FBN2: variants seen among roughly 807,000 people sequenced by gnomAD.
FBN2 encodes fibrillin-2.
A neutral mutation model predicts 355.6 loss-of-function variants in FBN2; 105 were observed. The observed-to-expected ratio is 0.30, with a 90% CI of 0.25 to 0.35. The LOEUF is 0.35. Ranked by LOEUF, FBN2 falls within the 10% of genes least tolerant of loss-of-function variation. The pLI is 1.00. For missense variants in FBN2, 3,280 were observed against 3,758.7 expected (o/e 0.87, Z 3.33); for synonymous variants, 1,350 against 1,301.2 (o/e 1.04, Z -0.81).
At position 128,536,502 on chromosome 5, in the gene FBN2, G is replaced by T. The variant is rs200300875; in HGVS notation, c.255-18C>A. 1,562 of 1,601,448 alleles carry T rather than the reference G, an allele frequency of 9.8e-4. 19 individuals are homozygous for T. Among genetic ancestry groups the T allele is most frequent in the Middle Eastern group, 4.9e-4 (3 of 6,068 alleles). On this transcript the variant is annotated intron_variant, in intron 1 of 64. Coordinates refer to ENST00000262464, the MANE Select transcript of FBN2 (RefSeq NM_001999.4). The stretch of plus-strand genomic sequence containing the variant: ...CGTTGGGCCTGTGATGGACAAGCGC[G>T]GTCACGTAACAGATAGGTAGAGGGA...
At chr5:128,432,866 C>T (rs968921466) in intron 7 of FBN2, among the ~76,000 whole-genome samples, 4 of 151,934 alleles carry the variant, frequency 2.6e-5, no homozygotes, top group Admixed American at 6.6e-5. Context: ...GTATGGCTAC[C>T]GAGACCTCAG....
At chr5:128,417,892 G>A (rs1444439119) in intron 7 of FBN2, among the ~76,000 whole-genome samples, 1 of 152,120 alleles carries the variant, frequency 6.6e-6, no homozygotes, top group Non-Finnish European at 1.5e-5. Flanking sequence ...AATAGTTTGA[G>A]GAGAATTGGA....
chr5:128,334,762 A>G lies in FBN2; in HGVS notation c.4056T>C (p.Cys1352=), dbSNP rs1479056828. 6.2e-7 allele frequency: 1 copy of G among 1,613,962 alleles called. No individual in the cohort carries two copies. Among genetic ancestry groups the G allele is most frequent in the East Asian group, 2.2e-5 (1 of 44,908 alleles). The change falls in exon 31 of 65, where the codon TGT becomes TGC. Residue 1352 remains cysteine (C), a synonymous_variant. Coordinates refer to ENST00000262464, the MANE Select transcript of FBN2 (RefSeq NM_001999.4). ...CCTTCTTCACTGAGTAACCCAGCTGACAGTGGCAAATGAAGGATCCCTTTG... is the reference window on the plus strand; with the variant it reads ...CCTTCTTCACTGAGTAACCCAGCTGGCAGTGGCAAATGAAGGATCCCTTTG... The part of the protein sequence containing the change: ...ENTKGSFICH[C]QLGYSVKKGT...
chr5:128,314,738 T>C (rs999706080), intron 36 of FBN2, among the ~76,000 whole-genome samples: 5 of 152,236 alleles, frequency 3.3e-5, no homozygotes, highest in Admixed American at 6.5e-5. Flanking sequence ...CAAATGTATT[T>C]AATGCTATTA....
At chr5:128,409,240 CT>C (rs1203088593) in intron 7 of FBN2, among the ~76,000 whole-genome samples, 2 of 151,942 alleles carry the variant, frequency 1.3e-5, no homozygotes, top group Admixed American at 6.6e-5. Context: ...TGGCAAATAA[CT>C]TTTTTTTAAA....
intron 48 of FBN2, among the ~76,000 whole-genome samples, chr5:128,295,717 C>G (rs1333524054): frequency 7.8e-6 from 1 of 128,792 alleles, no homozygotes; most frequent in Non-Finnish European, 1.6e-5. Flanking sequence ...AGTTGCTTAT[C>G]AGCTTAAGGA....
chr5:128,270,606 C>T (rs1428322825), intron 62 of FBN2, among the ~76,000 whole-genome samples: 4 of 152,054 alleles, frequency 2.6e-5, no homozygotes, highest in Non-Finnish European at 4.4e-5. Context: ...GACTTCATGA[C>T]GAAAACGTCA....
intron 11 of FBN2, among the ~76,000 whole-genome samples, chr5:128,390,209 T>C (rs982987078): frequency 1.3e-5 from 2 of 152,186 alleles, no homozygotes; most frequent in African/African-American, 4.8e-5. Flanking sequence ...AGTCTACCAC[T>C]ACTAACTCTC....
At chr5:128,281,889 A>C in intron 55 of FBN2, among the ~76,000 whole-genome samples, 1 of 152,020 alleles carries the variant, frequency 6.6e-6, no homozygotes, top group Non-Finnish European at 1.5e-5. Context: ...ACAGGGTTTC[A>C]CCATGTTAGC....
At chr5:128,304,611 G>A (rs993417493) in intron 45 of FBN2, among the ~76,000 whole-genome samples, 2 of 152,136 alleles carry the variant, frequency 1.3e-5, no homozygotes. Flanking sequence ...GTAGAAACAT[G>A]AAAGTAAAGG....
intron 6 of FBN2, among the ~76,000 whole-genome samples, chr5:128,457,308 T>C (rs191871911): frequency 6.6e-6 from 1 of 152,206 alleles, no homozygotes; most frequent in Non-Finnish European, 1.5e-5. Flanking sequence ...CTTCATAAAA[T>C]GACCTAACCT....
At chr5:128,385,934 T>A (rs969914211) in intron 11 of FBN2, among the ~76,000 whole-genome samples, 2 of 152,134 alleles carry the variant, frequency 1.3e-5, no homozygotes, top group Non-Finnish European at 2.9e-5. Flanking sequence ...ATTAGACCAC[T>A]GTCAGAGGTG....
intron 6 of FBN2, among the ~76,000 whole-genome samples, chr5:128,462,373 G>GA (rs1164395456): frequency 3.3e-5 from 5 of 151,988 alleles, no homozygotes; most frequent in Admixed American, 1.3e-4. Context: ...GAATTTAAAG[G>GA]AAAAAAATGA....
intron 63 of FBN2, among the ~76,000 whole-genome samples, chr5:128,262,715 T>C (rs1765006725): frequency 6.6e-6 from 1 of 152,210 alleles, no homozygotes; most frequent in African/African-American, 2.4e-5. Flanking sequence ...TGGACAGACT[T>C]GGTCCATGCC....
chr5:128,453,322 T>C (rs549145268), intron 6 of FBN2, among the ~76,000 whole-genome samples: 3 of 152,328 alleles, frequency 2.0e-5, no homozygotes, highest in East Asian at 1.9e-4. Context: ...CTCTCACTTA[T>C]GTCACATCAC....
intron 5 of FBN2, among the ~76,000 whole-genome samples, chr5:128,487,161 G>A (rs202120763): frequency 1.4e-4 from 22 of 152,266 alleles, no homozygotes; most frequent in African/African-American, 5.1e-4. Flanking sequence ...AGTGTTTAAG[G>A]ACCAATGTGC....
chr5:128,273,613 C>T (rs1331386158), intron 61 of FBN2, among the ~76,000 whole-genome samples: 1 of 152,178 alleles, frequency 6.6e-6, no homozygotes. Flanking sequence ...TCAACAGTTA[C>T]TTTAAAAGTC....
chr5:128,343,860 A>G (rs972915873), intron 25 of FBN2, among the ~76,000 whole-genome samples: 1 of 152,192 alleles, frequency 6.6e-6, no homozygotes, highest in Admixed American at 6.5e-5. Flanking sequence ...AACAAACAGC[A>G]TTTTCATGAT....
intron 8 of FBN2, among the ~76,000 whole-genome samples, chr5:128,396,784 T>G (rs991528156): frequency 1.3e-5 from 2 of 152,222 alleles, no homozygotes; most frequent in Non-Finnish European, 2.9e-5. Flanking sequence ...TATTCAACCC[T>G]ATCAAGATGC....
Sources: gnomAD v4.1 joint callset for allele counts (sites outside exome capture counted in the v4.1 genomes callset) on GRCh38, gnomAD v4.1.1 for gene constraint, MANE v1.5 for transcripts, NCBI Gene and HGNC (gene_info 2026-07-23, HGNC 2026-07-21) for gene names.